The following ZNF674 variants were observed in gnomAD, a reference collection of about 807,000 sequenced individuals.
The protein encoded by ZNF674 is zinc finger protein 674.
In ZNF674, 2 loss-of-function variants were observed where a neutral mutation model predicts 7.0. The ratio of observed to expected loss-of-function variants is 0.29; its 90% confidence interval spans 0.12 to 0.90. The LOEUF is 0.90. Ranked by LOEUF, ZNF674 falls within the 40% of genes least tolerant of loss-of-function variation. ZNF674 has a pLI of 0.57. For synonymous variants in ZNF674, 103 were observed against 145.2 expected, an observed-to-expected ratio of 0.71 and a Z score of 2.09; for missense variants, 297 against 415.5, an observed-to-expected ratio of 0.71 and a Z score of 2.48.
intron 5 of ZNF674, among the ~76,000 whole-genome samples, chrX:46,506,319 C>T (rs1364951502): frequency 1.8e-5 from 2 of 109,309 alleles, no homozygotes; most frequent in African/African-American, 6.7e-5. Flanking sequence ...GACTTGCCCA[C>T]AGACAAAGTG....
intron 5 of ZNF674, among the ~76,000 whole-genome samples, chrX:46,524,881 A>G (rs980146367): frequency 9.2e-6 from 1 of 109,048 alleles, no homozygotes; most frequent in Non-Finnish European, 1.9e-5. Flanking sequence ...ATGGTGGTAC[A>G]TGCCTGTAGT....
chrX:46,537,107 C>T (rs976031057), intron 3 of ZNF674, among the ~76,000 whole-genome samples: 1 of 111,171 alleles, frequency 9.0e-6, no homozygotes, highest in African/African-American at 3.3e-5. Flanking sequence ...CCCATCTCTA[C>T]TAAAAATACA....
intron 5 of ZNF674, among the ~76,000 whole-genome samples, chrX:46,523,959 C>A (rs1482899584): frequency 9.1e-6 from 1 of 109,410 alleles, no homozygotes; most frequent in Non-Finnish European, 1.9e-5. Context: ...AAGAGAATTG[C>A]TCGAACCAAG....
At chrX:46,518,258 CA>C (rs199954320) in intron 5 of ZNF674, among the ~76,000 whole-genome samples, 318 of 110,628 alleles carry the variant, frequency 2.9e-3, no homozygotes, top group African/African-American at 0.01. Flanking sequence ...TAGTTGAAAG[CA>C]AAAAAATATA....
intron 2 of ZNF674, 138 bp from the exon 3 acceptor site, chrX:46,542,254 G>A (rs771700454): frequency 1.9e-5 from 7 of 372,745 alleles, no homozygotes; most frequent in Non-Finnish European, 2.8e-5. Flanking sequence ...CCTATTCCAT[G>A]GGACGCTACT....
At chrX:46,527,200 T>C (rs1337411937) in intron 5 of ZNF674, among the ~76,000 whole-genome samples, 1 of 107,065 alleles carries the variant, frequency 9.3e-6, no homozygotes, top group Admixed American at 1.0e-4. Context: ...GGAGGCGAGG[T>C]TGCAGTGAGC....
At chrX:46,529,276 T>TA (rs769170296) in intron 3 of ZNF674, 34 of 210,603 alleles carry the variant, frequency 1.6e-4, no homozygotes, top group African/African-American at 9.0e-4. Context: ...GAGAAAGAGA[T>TA]AGAGTATGAG....
At chrX:46,513,268 A>G (rs954667774) in intron 5 of ZNF674, among the ~76,000 whole-genome samples, 2 of 112,109 alleles carry the variant, frequency 1.8e-5, no homozygotes, top group African/African-American at 6.5e-5. Context: ...CTCAAAAAAA[A>G]AACAAAAACA....
At chrX:46,524,238 A>T (rs1372403797) in intron 5 of ZNF674, among the ~76,000 whole-genome samples, 4 of 112,048 alleles carry the variant, frequency 3.6e-5, no homozygotes, top group Non-Finnish European at 7.5e-5. Context: ...TCAAAACCAG[A>T]CACAAACAGT....
At chrX:46,507,708 G>A (rs1026330202) in intron 5 of ZNF674, among the ~76,000 whole-genome samples, 1 of 111,806 alleles carries the variant, frequency 8.9e-6, no homozygotes, top group African/African-American at 3.2e-5. Flanking sequence ...TGGGACTATT[G>A]GGAAACAAGA....
intron 5 of ZNF674, among the ~76,000 whole-genome samples, chrX:46,509,889 C>T (rs1941617383): frequency 9.1e-6 from 1 of 110,402 alleles, no homozygotes; most frequent in Non-Finnish European, 1.9e-5. Flanking sequence ...GGAACCAACG[C>T]AAATGTCCAA....
intron 5 of ZNF674, among the ~76,000 whole-genome samples, chrX:46,504,880 T>A (rs12556208): frequency 0.24 from 26,019 of 109,569 alleles, 2,737 homozygotes; most frequent in Middle Eastern, 0.38. Flanking sequence ...TTTATTTTTT[T>A]AATTTTATTT....
chrX:46,502,374 C>T (rs766012864), intron 5 of ZNF674, among the ~76,000 whole-genome samples: 5 of 108,737 alleles, frequency 4.6e-5, no homozygotes, highest in South Asian at 3.9e-4. Context: ...AAGAATTGAC[C>T]GATACATTTA....
intron 5 of ZNF674, among the ~76,000 whole-genome samples, 163 bp from the exon 6 acceptor site, chrX:46,501,498 G>A (rs1171807344): frequency 9.0e-6 from 1 of 111,386 alleles, no homozygotes; most frequent in Admixed American, 9.7e-5. Flanking sequence ...GAAAAGAAAT[G>A]TATTAGGTAT....
intron 5 of ZNF674, among the ~76,000 whole-genome samples, chrX:46,502,305 CA>C (rs755777788): frequency 3.4e-4 from 24 of 70,769 alleles, no homozygotes; most frequent in Admixed American, 3.4e-4. Context: ...GACTCCGTCT[CA>C]AAAAAAAAAA....
At chrX:46,508,882 T>A (rs1240789315) in intron 5 of ZNF674, among the ~76,000 whole-genome samples, 1 of 110,985 alleles carries the variant, frequency 9.0e-6, no homozygotes, top group East Asian at 2.8e-4. Context: ...AATGGGGTTT[T>A]CTAGATATAC....
At chrX:46,517,467 A>G (rs1941789302) in intron 5 of ZNF674, among the ~76,000 whole-genome samples, 1 of 111,464 alleles carries the variant, frequency 9.0e-6, no homozygotes, top group South Asian at 3.7e-4. Flanking sequence ...AAAAAGACAT[A>G]TATTTACAGA....
chrX:46,507,285 G>A (rs1412402133), intron 5 of ZNF674, among the ~76,000 whole-genome samples: 2 of 111,611 alleles, frequency 1.8e-5, no homozygotes, highest in South Asian at 3.7e-4. Context: ...CCAGGAGTTT[G>A]TAGCTGCAGG....
chrX:46,506,440 G>C (rs5906220), intron 5 of ZNF674, among the ~76,000 whole-genome samples: 1 of 108,874 alleles, frequency 9.2e-6, no homozygotes, highest in Non-Finnish European at 1.9e-5. Context: ...AACTATCCCT[G>C]TGGGGATTTA....
Sources: gnomAD v4.1 joint callset for allele counts (sites outside exome capture counted in the v4.1 genomes callset) on GRCh38, gnomAD v4.1.1 for gene constraint, MANE v1.5 for transcripts, NCBI Gene and HGNC (gene_info 2026-07-23, HGNC 2026-07-21) for gene names.